SH3KBP1: variants seen among roughly 807,000 people sequenced by gnomAD.
SH3KBP1 encodes SH3 domain containing kinase binding protein 1, also known as SH3 domain-containing kinase-binding protein 1.
In SH3KBP1, 8 loss-of-function variants were observed where a neutral mutation model predicts 50.1. That is an observed-to-expected ratio of 0.16 (90% CI 0.09 to 0.29). SH3KBP1 has a LOEUF of 0.29. Ranked by LOEUF, SH3KBP1 falls within the 10% of genes least tolerant of loss-of-function variation. The probability of loss-of-function intolerance (pLI) is 1.00; values close to 1 mark genes in which losing one functional copy is unlikely to be tolerated. For synonymous variants in SH3KBP1, 227 were observed against 218.6 expected (o/e 1.04, Z -0.34); for missense variants, 377 against 535.2 (o/e 0.70, Z 2.92).
Position 19,645,457 on chromosome X carries a change from G to A in SH3KBP1, c.745C>T (p.Pro249Ser), listed in dbSNP as rs2061968974. Residue 249 changes from proline (P) to serine (S), a missense_variant, in exon 7 of 18, where the codon CCT (proline) becomes TCT (serine). Physicochemically the swap from Pro to Ser is moderately conservative, Grantham distance 74. Around this residue, in one of 3 missense-constraint regions of SH3KBP1, gnomAD observed 257 missense variants for 374.2 expected, o/e 0.69. Transcript: ENST00000397821. ...GAGTCTGGAGTTGCTGTAGTTGCAG[G>A]TAACTTCTTCCCAATAGTCTGAGGG... ...PVEKTIGKKL[P>S]ATTATPDSSK... The A allele has an allele frequency of 8.3e-7, 1 of 1,198,778 alleles. No homozygotes were observed. The highest frequency in any genetic ancestry group is 2.2e-5 in the Admixed American group (1 of 45,708).
intron 3 of SH3KBP1, 119 bp from the exon 4 acceptor site, chrX:19,707,103 A>G: frequency 1.6e-6 from 1 of 628,113 alleles, no homozygotes; most frequent in Non-Finnish European, 2.7e-6. Context: ...GCTCTCTGGG[A>G]CATGGCTTGA....
At chrX:19,639,498 A>T (rs1431409184) in intron 7 of SH3KBP1, among the ~76,000 whole-genome samples, 2 of 111,365 alleles carry the variant, frequency 1.8e-5, no homozygotes, top group Admixed American at 9.5e-5. Context: ...AAAACCTACC[A>T]GGAAAACACA....
intron 5 of SH3KBP1, among the ~76,000 whole-genome samples, chrX:19,690,627 A>G (rs952927961): frequency 3.6e-5 from 4 of 112,465 alleles, no homozygotes; most frequent in African/African-American, 1.3e-4. Flanking sequence ...TGTGAAAGAA[A>G]AGACATATTT....
intron 8 of SH3KBP1, among the ~76,000 whole-genome samples, chrX:19,614,800 C>T (rs775734223): frequency 4.0e-4 from 45 of 112,067 alleles, no homozygotes; most frequent in Non-Finnish European, 7.9e-4. Flanking sequence ...GCCGCTACTC[C>T]GTGGACCATA....
At chrX:19,546,627 G>C (rs1229535009) in intron 14 of SH3KBP1, among the ~76,000 whole-genome samples, 1 of 112,395 alleles carries the variant, frequency 8.9e-6, no homozygotes, top group East Asian at 2.8e-4. Flanking sequence ...TTGTGGTCCA[G>C]TGACCAGTGT....
intron 16 of SH3KBP1, among the ~76,000 whole-genome samples, chrX:19,540,977 C>T (rs999664703): frequency 3.6e-5 from 4 of 110,094 alleles, no homozygotes; most frequent in African/African-American, 1.0e-4. Context: ...TGCAGTGGCA[C>T]AATCTTGGCT....
At chrX:19,747,504 G>A (rs772290729) in intron 2 of SH3KBP1, among the ~76,000 whole-genome samples, 93 of 111,827 alleles carry the variant, frequency 8.3e-4, no homozygotes, top group Non-Finnish European at 1.1e-3. Context: ...GGTAAGAAAT[G>A]GGGATGGGCT....
chrX:19,763,858 C>CA (rs2065507602), intron 2 of SH3KBP1, among the ~76,000 whole-genome samples: 1 of 108,127 alleles, frequency 9.2e-6, no homozygotes, highest in African/African-American at 3.4e-5. Context: ...CCCGTCTACA[C>CA]AAAAAACACA....
intron 15 of SH3KBP1, among the ~76,000 whole-genome samples, chrX:19,544,991 T>C (rs1327834476): frequency 1.8e-5 from 2 of 112,451 alleles, no homozygotes; most frequent in African/African-American, 6.5e-5. Context: ...TGGAATCCTT[T>C]TATAAAGAAA....
At chrX:19,706,519 C>T (rs1364796538) in intron 4 of SH3KBP1, among the ~76,000 whole-genome samples, 1 of 110,852 alleles carries the variant, frequency 9.0e-6, no homozygotes, top group Non-Finnish European at 1.9e-5. Context: ...AAATCCACAG[C>T]GTCCCCCACA....
At chrX:19,819,987 G>A (rs1321253397) in intron 2 of SH3KBP1, among the ~76,000 whole-genome samples, 4 of 111,767 alleles carry the variant, frequency 3.6e-5, no homozygotes, top group Non-Finnish European at 7.5e-5. Context: ...ATTTAGAAGT[G>A]TGTGATTTGA....
intron 2 of SH3KBP1, among the ~76,000 whole-genome samples, chrX:19,769,436 C>T (rs1198751931): frequency 9.1e-6 from 1 of 110,338 alleles, no homozygotes; most frequent in Admixed American, 9.7e-5. Context: ...ATAGTCATGG[C>T]ATAATTTTGC....
intron 1 of SH3KBP1, 125 bp from the exon 2 acceptor site, chrX:19,836,407 C>G (rs1326662378): frequency 3.3e-5 from 20 of 615,145 alleles, no homozygotes; most frequent in Non-Finnish European, 4.5e-5. Context: ...TTCAAAATAA[C>G]AGGGCCACAC....
intron 7 of SH3KBP1, among the ~76,000 whole-genome samples, chrX:19,644,813 T>TAA (rs1157028959): frequency 8.9e-6 from 1 of 112,077 alleles, no homozygotes; most frequent in East Asian, 2.8e-4. Flanking sequence ...AATTTAGAAT[T>TAA]ACATATGTGG....
chrX:19,690,060 CTTTT>C (rs1288057221), intron 5 of SH3KBP1, among the ~76,000 whole-genome samples: 5 of 64,412 alleles, frequency 7.8e-5, no homozygotes, highest in South Asian at 5.1e-4. Flanking sequence ...CTCTCTCTCT[CTTTT>C]TTTTTTTTTT....
intron 2 of SH3KBP1, among the ~76,000 whole-genome samples, chrX:19,768,382 T>G (rs1158942930): frequency 9.6e-6 from 1 of 104,558 alleles, no homozygotes; most frequent in Non-Finnish European, 2.0e-5. Flanking sequence ...CATTCTACAA[T>G]TCACACCTCG....
intron 7 of SH3KBP1, among the ~76,000 whole-genome samples, chrX:19,635,513 A>G (rs2061680491): frequency 9.2e-6 from 1 of 108,859 alleles, no homozygotes. Context: ...AAACCTGCAC[A>G]TTCTGCACGT....
intron 12 of SH3KBP1, among the ~76,000 whole-genome samples, chrX:19,576,516 T>C (rs1484470472): frequency 1.8e-5 from 2 of 111,739 alleles, no homozygotes; most frequent in African/African-American, 6.5e-5. Flanking sequence ...CACAGCTCAC[T>C]GTAGCCTCGA....
At chrX:19,797,678 A>G (rs1159125914) in intron 2 of SH3KBP1, among the ~76,000 whole-genome samples, 1 of 111,485 alleles carries the variant, frequency 9.0e-6, no homozygotes, top group African/African-American at 3.3e-5. Context: ...ACTGTGTCAG[A>G]GATCACTGAT....
Sources: gnomAD v4.1 joint callset for allele counts (sites outside exome capture counted in the v4.1 genomes callset) on GRCh38, gnomAD v4.1.1 for gene constraint, gnomAD v4.1.1 regional missense constraint, MANE v1.5 for transcripts, NCBI Gene and HGNC (gene_info 2026-07-23, HGNC 2026-07-21) for gene names.